Variants in ASTN2 observed in about 807,000 individuals in gnomAD.
The protein encoded by ASTN2 is astrotactin 2, also known as astrotactin-2.
Under a neutral mutation model 139.8 loss-of-function variants are expected in ASTN2, and 54 were observed. The observed-to-expected ratio is 0.39, with a 90% CI of 0.31 to 0.48. The LOEUF (loss-of-function observed/expected upper bound fraction) is 0.48. Ranked by LOEUF, ASTN2 falls within the 20% of genes least tolerant of loss-of-function variation. ASTN2 has a pLI of 0.95. For missense variants in ASTN2, 1,565 were observed against 1,725.1 expected (o/e 0.91, Z 1.64); for synonymous variants, 756 against 719.5 (o/e 1.05, Z -0.81).
At chr9:116,742,869 A>T (rs1829130755) in intron 13 of ASTN2, among the ~76,000 whole-genome samples, 1 of 152,176 alleles carries the variant, frequency 6.6e-6, no homozygotes, top group East Asian at 1.9e-4. Flanking sequence ...AGATTAGAAC[A>T]TTAGAACCAA....
At chr9:116,860,004 T>C (rs898824763) in intron 11 of ASTN2, among the ~76,000 whole-genome samples, 4 of 152,002 alleles carry the variant, frequency 2.6e-5, no homozygotes, top group African/African-American at 9.7e-5. Context: ...TGGAATAAAG[T>C]GGATGAGGCA....
intron 13 of ASTN2, among the ~76,000 whole-genome samples, chr9:116,777,538 C>A (rs1249185358): frequency 6.6e-6 from 1 of 152,110 alleles, no homozygotes; most frequent in East Asian, 1.9e-4. Context: ...ACATCAAAAT[C>A]ACAGAGAGTA....
chr9:117,036,080 C>T (rs1314095577), intron 6 of ASTN2, among the ~76,000 whole-genome samples: 2 of 152,158 alleles, frequency 1.3e-5, no homozygotes, highest in Non-Finnish European at 2.9e-5. Context: ...AACGTTCAAT[C>T]ATCCCATAAT....
chr9:116,798,825 C>T (rs1829068875), intron 13 of ASTN2, among the ~76,000 whole-genome samples: 1 of 152,170 alleles, frequency 6.6e-6, no homozygotes, highest in African/African-American at 2.4e-5. Flanking sequence ...ATGGCCAGGG[C>T]CCCTGCCATT....
intron 3 of ASTN2, among the ~76,000 whole-genome samples, chr9:117,177,440 C>T (rs998865807): frequency 3.9e-5 from 6 of 152,162 alleles, no homozygotes; most frequent in African/African-American, 1.4e-4. Context: ...AAGTCAGCTT[C>T]ACAGAAATAG....
chr9:117,384,334 C>G (rs143777087), intron 1 of ASTN2, among the ~76,000 whole-genome samples: 1 of 152,242 alleles, frequency 6.6e-6, no homozygotes, highest in East Asian at 1.9e-4. Context: ...AAGACAAAAG[C>G]GAAACCCAAG....
chr9:117,325,884 A>T (rs185811385), intron 1 of ASTN2, among the ~76,000 whole-genome samples: 8 of 152,194 alleles, frequency 5.3e-5, no homozygotes, highest in Non-Finnish European at 1.0e-4. Context: ...GTCAGTCCCC[A>T]GGCAGGTCAT....
At chr9:117,371,810 T>C (rs949505332) in intron 1 of ASTN2, among the ~76,000 whole-genome samples, 1 of 152,052 alleles carries the variant, frequency 6.6e-6, no homozygotes, top group Non-Finnish European at 1.5e-5. Flanking sequence ...TAGAGTGTAA[T>C]TTTCTCATTC....
At chr9:117,066,852 TG>T (rs1350715568) in intron 5 of ASTN2, among the ~76,000 whole-genome samples, 4 of 139,344 alleles carry the variant, frequency 2.9e-5, no homozygotes, top group African/African-American at 1.1e-4. Flanking sequence ...TTGATGGGGT[TG>T]TTTGTTTTTT....
chr9:116,439,381 T>C (rs1588059101), intron 22 of ASTN2, among the ~76,000 whole-genome samples: 2 of 145,462 alleles, frequency 1.4e-5, no homozygotes, highest in South Asian at 5.4e-4. Flanking sequence ...TTTGTATTTT[T>C]AGTAGAGACG....
At chr9:116,623,956 G>A (rs58839716) in intron 17 of ASTN2, among the ~76,000 whole-genome samples, 3,753 of 152,180 alleles carry the variant, frequency 0.025, 147 homozygotes, top group African/African-American at 0.086. Flanking sequence ...GAGAGAAAAT[G>A]AAACCTTATA....
intron 4 of ASTN2, among the ~76,000 whole-genome samples, chr9:117,138,701 A>T (rs1344055300): frequency 6.6e-6 from 1 of 152,236 alleles, no homozygotes; most frequent in Non-Finnish European, 1.5e-5. Flanking sequence ...TGATGGTGAC[A>T]AAGAGGAAGG....
rs79404103 is a variant in ASTN2, at chr9:116,805,656, C to A, written c.2372G>T (p.Gly791Val). 1 of 1,613,830 alleles carries A rather than the reference C, an allele frequency of 6.2e-7. No homozygotes were observed. Among genetic ancestry groups the A allele is most frequent in the Admixed American group, 1.7e-5 (1 of 60,002 alleles). ...YNNRTQHVNQ[G>V]QVFQMTFREN... The stretch of plus-strand genomic sequence containing the variant: ...CCTAAAGGTCATCTGGAAGACTTGG[C>A]CTTGGTTCACATGCTGGGTCCGGTT... Residue 791 changes from glycine to valine, a missense_variant, in exon 13 of 23, where the codon GGC becomes GTC. Around this residue, in one of 4 missense-constraint regions of ASTN2, gnomAD observed 503 missense variants for 591.7 expected, o/e 0.85. Transcript: ENST00000313400.
At chr9:117,007,497 C>T (rs1342137155) in intron 7 of ASTN2, among the ~76,000 whole-genome samples, 3 of 152,078 alleles carry the variant, frequency 2.0e-5, no homozygotes, top group Admixed American at 6.6e-5. Flanking sequence ...AAATAAAATG[C>T]CACATGTAGC....
chr9:116,433,356 T>C (rs10121227), intron 22 of ASTN2, among the ~76,000 whole-genome samples: 30,261 of 152,138 alleles, frequency 0.2, 3,498 homozygotes, highest in Middle Eastern at 0.29. Flanking sequence ...TTGTTAAACA[T>C]AGTAGAGATG....
chr9:117,218,512 C>G (rs1832407034), intron 2 of ASTN2, among the ~76,000 whole-genome samples: 1 of 152,170 alleles, frequency 6.6e-6, no homozygotes, highest in African/African-American at 2.4e-5. Flanking sequence ...CTAAAGAACT[C>G]AGGAGGCATC....
chr9:116,889,814 C>T (rs1298009252), intron 10 of ASTN2, among the ~76,000 whole-genome samples: 1 of 150,720 alleles, frequency 6.6e-6, no homozygotes, highest in Non-Finnish European at 1.5e-5. Flanking sequence ...GCCTGTAGTC[C>T]CAGATACTTG....
intron 6 of ASTN2, among the ~76,000 whole-genome samples, chr9:117,034,153 C>A (rs781546632): frequency 6.6e-6 from 1 of 152,176 alleles, no homozygotes; most frequent in Non-Finnish European, 1.5e-5. Context: ...ATCTCACCTA[C>A]TTCACCTAGA....
intron 7 of ASTN2, among the ~76,000 whole-genome samples, chr9:116,990,317 G>A (rs1836815911): frequency 6.6e-6 from 1 of 151,966 alleles, no homozygotes; most frequent in Non-Finnish European, 1.5e-5. Context: ...ACCCAGGCTG[G>A]AATGCAGTTG....
Sources: allele counts gnomAD v4.1 joint callset (sites outside exome capture counted in the v4.1 genomes callset), GRCh38; gene constraint gnomAD v4.1.1; regional missense constraint gnomAD v4.1.1; transcripts MANE v1.5; gene names NCBI Gene and HGNC (gene_info 2026-07-23, HGNC 2026-07-21).